Variants in EXOSC9 observed in about 807,000 individuals in gnomAD.
The protein encoded by EXOSC9 is exosome component 9.
A neutral mutation model predicts 56.5 loss-of-function variants in EXOSC9; 38 were observed. That is an observed-to-expected ratio of 0.67 (90% CI 0.52 to 0.88). The LOEUF (loss-of-function observed/expected upper bound fraction) is 0.88. Ranked by LOEUF, EXOSC9 falls within the 40% of genes least tolerant of loss-of-function variation. The probability of loss-of-function intolerance (pLI) is 0.00; values close to 1 mark genes in which losing one functional copy is unlikely to be tolerated. For synonymous variants in EXOSC9, 170 were observed against 170.8 expected, an observed-to-expected ratio of 0.99 and a Z score of 0.04; for missense variants, 559 against 530.5, an observed-to-expected ratio of 1.05 and a Z score of -0.53.
At chr4:121,802,174 T>TG (rs1169249519) in intron 2 of EXOSC9, among the ~76,000 whole-genome samples, 2 of 152,246 alleles carry the variant, frequency 1.3e-5, no homozygotes, top group Admixed American at 6.5e-5. Context: ...CAACTAGTAG[T>TG]GATCATATGG....
chr4:121,806,394 C>T lies in EXOSC9; in HGVS notation c.523-1146C>T, dbSNP rs113477215. On this transcript the variant is annotated intron_variant, in intron 5 of 11. Coordinates refer to ENST00000243498, the MANE Select transcript of EXOSC9 (RefSeq NM_005033.3). Reference sequence around the variant, plus strand: ...CTTGAACTCCCAACCTCGTCCACATCGGCCTTCCAAAGTGCTGGGATTACA... The same window carrying T: ...CTTGAACTCCCAACCTCGTCCACATTGGCCTTCCAAAGTGCTGGGATTACA... 3.3e-3 allele frequency among the ~76,000 whole-genome samples: 498 copies of T among 151,952 alleles called. 3 individuals carry two copies. Among genetic ancestry groups the T allele is most frequent in the African/African-American group, 0.011 (470 of 41,430 alleles).
intron 5 of EXOSC9, among the ~76,000 whole-genome samples, chr4:121,805,673 A>T (rs1169274667): frequency 1.3e-5 from 2 of 152,170 alleles, no homozygotes; most frequent in East Asian, 3.8e-4. Flanking sequence ...ATTAAAGAAT[A>T]CTGTGGTGTT....
chr4:121,804,883 T>C (rs537352295), intron 5 of EXOSC9, 124 bp downstream of exon 5: 1 of 689,946 alleles, frequency 1.4e-6, no homozygotes, highest in African/African-American at 1.8e-5. Context: ...TAAAAATTTG[T>C]TTGTAAGACT....
intron 4 of EXOSC9, among the ~76,000 whole-genome samples, chr4:121,803,719 T>C (rs575009278): frequency 6.6e-6 from 1 of 152,194 alleles, no homozygotes; most frequent in South Asian, 2.1e-4. Flanking sequence ...TTTGTATTTT[T>C]AGTAGAGATG....
At chr4:121,813,093 G>T (rs1311132489) in intron 8 of EXOSC9, 141 bp from the exon 9 acceptor site, 2 of 745,346 alleles carry the variant, frequency 2.7e-6, no homozygotes, top group African/African-American at 3.6e-5. Flanking sequence ...AATTGGTGAG[G>T]TTAAGTTAGA....
intron 4 of EXOSC9, 132 bp downstream of exon 4, chr4:121,803,149 T>G: frequency 1.5e-6 from 1 of 652,972 alleles, no homozygotes; most frequent in Non-Finnish European, 2.7e-6. Context: ...CAGATGTTCT[T>G]GAGTGATACC....
chr4:121,809,150 T>A (rs1319074460), intron 6 of EXOSC9, among the ~76,000 whole-genome samples: 2 of 151,590 alleles, frequency 1.3e-5, no homozygotes, highest in Non-Finnish European at 2.9e-5. Context: ...ACCCAGCTAA[T>A]TTAAAAAAAT....
chr4:121,801,640 G>C, intron 1 of EXOSC9, 150 bp downstream of exon 1: 1 of 831,674 alleles, frequency 1.2e-6, no homozygotes, highest in Non-Finnish European at 2.0e-6. Flanking sequence ...ATTTTTTTTC[G>C]ACAGGTTCTT....
In EXOSC9 at chr4:121,816,825, A is replaced by AAAG; in HGVS notation, c.1295_1297dup (p.Arg432dup). On this transcript the variant is annotated inframe_insertion, in exon 12 of 12. Transcript: ENST00000243498. ...AAAGCACCAAGTAAAAAGCCAGTGA[A>AAAG]AAGAAGAAAAAAGAAGAGAGCTGCC... 1 of 1,595,170 alleles carries AAAG rather than the reference A, an allele frequency of 6.3e-7. No homozygotes were observed. The highest frequency in any genetic ancestry group is 8.6e-7 in the Non-Finnish European group (1 of 1,168,244).
intron 10 of EXOSC9, chr4:121,814,625 C>T (rs551065242): frequency 3.5e-4 from 54 of 152,208 alleles, no homozygotes; most frequent in African/African-American, 1.1e-3. Flanking sequence ...CAGCCACTAG[C>T]CCCACATGGC....
intron 10 of EXOSC9, chr4:121,815,609 A>G (rs1480644004): frequency 8.1e-6 from 8 of 985,344 alleles, no homozygotes; most frequent in Non-Finnish European, 9.6e-6. Context: ...TTTCATGGTC[A>G]GCCCTGACAG....
rs112004007 is a variant in EXOSC9 at position 121,815,744 on chromosome 4, A to G, written c.1157-625A>G. On this transcript the variant is annotated intron_variant, in intron 10 of 11. Coordinates refer to ENST00000243498, the MANE Select transcript of EXOSC9 (RefSeq NM_005033.3). The stretch of plus-strand genomic sequence containing the variant: ...TGGGTTCTTTTATTTCTTGGAATGT[A>G]AACTGGAACTATTTCTGGAGGAATA... 1.8e-4 allele frequency: 178 copies of G among 990,340 alleles called. No individual in the cohort carries two copies. The African/African-American group carries it at 2.9e-3, about 16-fold the overall frequency. The allele number at this position is 990,340 out of a possible 1,614,324, so 61.3% of individuals were successfully genotyped here.
intron 8 of EXOSC9, 38 bp from the exon 9 acceptor site, chr4:121,813,196 T>TC (rs1560627255): frequency 6.3e-7 from 1 of 1,576,332 alleles, no homozygotes; most frequent in Non-Finnish European, 8.6e-7. Flanking sequence ...GTTACCTTCC[T>TC]CCCCCTTCCT....
At chr4:121,807,736 C>G (rs1260632123) in intron 6 of EXOSC9, 114 bp downstream of exon 6, 2 of 662,530 alleles carry the variant, frequency 3.0e-6, no homozygotes, top group Non-Finnish European at 5.4e-6. Context: ...AGTAAAGCAC[C>G]TTGTATTTCC....
chr4:121,802,179 A>C (rs1448954944), intron 2 of EXOSC9, among the ~76,000 whole-genome samples: 1 of 152,234 alleles, frequency 6.6e-6, no homozygotes, highest in East Asian at 1.9e-4. Flanking sequence ...AGTAGTGATC[A>C]TATGGAATTT....
chr4:121,813,135 A>G lies in EXOSC9; in HGVS notation c.828-99A>G, dbSNP rs916704790. Reference sequence around the variant, plus strand: ...AACTCTCTTCCAATATTTTTCATCCACCAAAGGATAAAATAATAGTTTTTT... The same window carrying G: ...AACTCTCTTCCAATATTTTTCATCCGCCAAAGGATAAAATAATAGTTTTTT... On this transcript the variant is annotated intron_variant, in intron 8 of 11. Transcript: ENST00000243498. 3 of 1,135,586 alleles carry G rather than the reference A, an allele frequency of 2.6e-6. No homozygotes were observed. The African/African-American group carries it at 4.7e-5, about 18-fold the overall frequency. The allele number at this position is 1,135,586 out of a possible 1,614,324, so 70.3% of individuals were successfully genotyped here.
chr4:121,814,275 T>G, intron 10 of EXOSC9: 1 of 270,258 alleles, frequency 3.7e-6, no homozygotes, highest in Non-Finnish European at 6.9e-6. Context: ...TATTGCATTT[T>G]TAGAGGGGCT....
At position 121,801,411 on chromosome 4, in the gene EXOSC9, G is replaced by C. The variant is rs547209491; in HGVS notation, c.-14G>C. 1 of 1,612,922 alleles carries C rather than the reference G, an allele frequency of 6.2e-7. No homozygotes were observed. On this transcript the variant is annotated 5_prime_UTR_variant, in exon 1 of 12. Transcript: ENST00000243498. ...CGCGGATTCTGGTGCCTGTGGGGCCGGTGACCCAACACCATGAAGGAAACG... is the reference window on the plus strand; with the variant it reads ...CGCGGATTCTGGTGCCTGTGGGGCCCGTGACCCAACACCATGAAGGAAACG...
At chr4:121,815,870 C>T (rs1204400976) in intron 10 of EXOSC9, 1 of 1,130,714 alleles carries the variant, frequency 8.8e-7, no homozygotes, top group Non-Finnish European at 1.1e-6. Context: ...ACCATTCAAG[C>T]ACCTGTAGGA....
Sources: allele counts gnomAD v4.1 joint callset (sites outside exome capture counted in the v4.1 genomes callset), GRCh38; gene constraint gnomAD v4.1.1; transcripts MANE v1.5; gene names NCBI Gene and HGNC (gene_info 2026-07-23, HGNC 2026-07-21).